The following PCID2 variants were observed in gnomAD, a reference collection of about 807,000 sequenced individuals.
PCID2 encodes the protein PCI domain-containing protein 2.
Under a neutral mutation model 61.3 loss-of-function variants are expected in PCID2, and 41 were observed. That is an observed-to-expected ratio of 0.67 (90% CI 0.52 to 0.87). The LOEUF is 0.87. Ranked by LOEUF, PCID2 falls within the 40% of genes least tolerant of loss-of-function variation. PCID2 has a pLI of 0.00. For synonymous variants in PCID2, 187 were observed against 177.8 expected (o/e 1.05, Z -0.41); for missense variants, 392 against 493.4 (o/e 0.79, Z 1.95).
Position 113,179,657 on chromosome 13 carries a change from C to G in PCID2, c.986+260G>C, listed in dbSNP as rs1255899211. On this transcript the variant is annotated intron_variant, in intron 12 of 13. Coordinates refer to ENST00000337344, the MANE Select transcript of PCID2 (RefSeq NM_001127202.4). The surrounding 1 kb of genome is among the most constrained non-coding windows in gnomAD (Gnocchi z 4.3). ...AAATGTGGTACCGCGGCTCTCAGGG[C>G]TGATGTTCTCAAGTTGTCTTCTCAC... 6.6e-6 allele frequency among the ~76,000 whole-genome samples: 1 copy of G among 152,196 alleles called. No homozygotes were observed. Among genetic ancestry groups the G allele is most frequent in the East Asian group, 1.9e-4 (1 of 5,192 alleles).
intron 7 of PCID2, chr13:113,188,347 CTA>C (rs2038308580): frequency 6.6e-6 from 1 of 152,254 alleles, no homozygotes; most frequent in African/African-American, 2.4e-5. Flanking sequence ...CCCCACAGCA[CTA>C]TACATCTTGT....
chr13:113,178,392 C>T (rs926174175), intron 13 of PCID2, 105 bp from the exon 14 acceptor site: 28 of 763,292 alleles, frequency 3.7e-5, no homozygotes, highest in Middle Eastern at 2.4e-4. Context: ...TCCCCAAGAG[C>T]GGCACAGTTC....
intron 13 of PCID2, among the ~76,000 whole-genome samples, 166 bp downstream of exon 13, chr13:113,178,800 T>C (rs1405055735): frequency 2.0e-5 from 3 of 152,162 alleles, no homozygotes; most frequent in Non-Finnish European, 4.4e-5. Context: ...CGTCCCCTCA[T>C]GCTCCTAAGG....
chr13:113,198,855 T>C (rs1474983058), intron 2 of PCID2, among the ~76,000 whole-genome samples: 1 of 152,242 alleles, frequency 6.6e-6, no homozygotes, highest in African/African-American at 2.4e-5. Context: ...AGTATATTAG[T>C]ATTCTTGACC....
chr13:113,198,180 C>T lies in PCID2; in HGVS notation c.200+11G>A. On this transcript the variant is annotated intron_variant, in intron 3 of 13. Transcript: ENST00000337344. ...AGATGTGTGTGTTTTTCTTCCTCCCCAACAGATTACCTTAAATGAGCTGCA... is the reference window on the plus strand; with the variant it reads ...AGATGTGTGTGTTTTTCTTCCTCCCTAACAGATTACCTTAAATGAGCTGCA... The T allele has an allele frequency of 6.4e-7, 1 of 1,574,218 alleles. No individual in the cohort carries two copies. Among genetic ancestry groups the T allele is most frequent in the Non-Finnish European group, 8.6e-7 (1 of 1,156,126 alleles).
chr13:113,165,159 T>G, the PCID2 span: 41 of 1,569,992 alleles, frequency 2.6e-5, no homozygotes, highest in East Asian at 3.8e-4. Flanking sequence ...TTTATTGTTA[T>G]GACTTTCACC....
intron 7 of PCID2, chr13:113,188,743 T>C (rs1002214942): frequency 6.6e-6 from 1 of 151,834 alleles, no homozygotes; most frequent in African/African-American, 2.4e-5. Context: ...CCCTCAGGAG[T>C]AGAGAAGTTG....
At chr13:113,185,016 G>A (rs1220524957) in intron 8 of PCID2, among the ~76,000 whole-genome samples, 2 of 152,288 alleles carry the variant, frequency 1.3e-5, no homozygotes, top group African/African-American at 4.8e-5. Context: ...GGAAGGCACT[G>A]GACAGAAGGC....
chr13:113,174,236 T>A (rs191951647), downstream of PCID2, among the ~76,000 whole-genome samples: 6,018 of 139,876 alleles, frequency 0.043, 178 homozygotes, highest in Non-Finnish European at 0.049. Flanking sequence ...AGACTCCATC[T>A]CAAAAAAAAA....
intron 1 of PCID2, among the ~76,000 whole-genome samples, chr13:113,202,597 C>G (rs940253874): frequency 2.6e-5 from 4 of 151,984 alleles, no homozygotes; most frequent in African/African-American, 9.7e-5. Flanking sequence ...TAGGAAGATA[C>G]AGTTAAGTGA....
chr13:113,186,883 G>A (rs1451267524), intron 7 of PCID2: 2 of 152,284 alleles, frequency 1.3e-5, no homozygotes, highest in Middle Eastern at 3.4e-3. Context: ...AAAGTGCCCA[G>A]TACAGAAAAC....
At chr13:113,192,189 G>A (rs560878239) in intron 6 of PCID2, among the ~76,000 whole-genome samples, 10 of 152,320 alleles carry the variant, frequency 6.6e-5, no homozygotes, top group Admixed American at 5.9e-4. Flanking sequence ...AGGAACTCAA[G>A]GCTGCAGTGA....
chr13:113,205,970 G>C (rs968038750), intron 1 of PCID2, among the ~76,000 whole-genome samples: 1 of 152,172 alleles, frequency 6.6e-6, no homozygotes, highest in Non-Finnish European at 1.5e-5. Context: ...TACTTCGGTG[G>C]GGCAATGGTG....
intron 7 of PCID2, among the ~76,000 whole-genome samples, chr13:113,190,287 G>A (rs2038503253): frequency 6.8e-6 from 1 of 147,296 alleles, no homozygotes; most frequent in Non-Finnish European, 1.5e-5. Flanking sequence ...GAATGCCAAT[G>A]ATAAAGAGAA....
intron 5 of PCID2, among the ~76,000 whole-genome samples, chr13:113,195,668 A>G (rs1293497095): frequency 1.3e-5 from 2 of 148,766 alleles, no homozygotes; most frequent in Non-Finnish European, 3.0e-5. Flanking sequence ...CTCCTTCTCA[A>G]AAAAAAAAAA....
intron 6 of PCID2, among the ~76,000 whole-genome samples, chr13:113,192,711 G>A (rs1208116104): frequency 1.3e-5 from 2 of 152,144 alleles, no homozygotes; most frequent in Non-Finnish European, 1.5e-5. Flanking sequence ...GGGGTTTGGG[G>A]GTTGGGTTTT....
chr13:113,190,623 A>C (rs780634899), intron 7 of PCID2: 1 of 338,656 alleles, frequency 3.0e-6, no homozygotes, highest in Non-Finnish European at 5.3e-6. Flanking sequence ...CTAGACGGAA[A>C]CTGGTTCCTG....
rs756334032 is a variant in PCID2, at chr13:113,178,105, A to G, written c.*93T>C. ...AAGCGCCTCCAAGAGTTCCGGCTTC[A>G]GGGAGCCTTGTTGCAGTACCGGACC... On this transcript the variant is annotated 3_prime_UTR_variant, in exon 14 of 14. Transcript: ENST00000337344. 1.4e-4 allele frequency: 114 copies of G among 818,584 alleles called. 1 individual carries two copies. Among genetic ancestry groups the G allele is most frequent in the Non-Finnish European group, 7.3e-5 (37 of 509,884 alleles). 50.7% of individuals were successfully genotyped at this position (818,584 alleles called of 1,614,324 possible).
At chr13:113,206,695 T>C (rs79099136) in intron 1 of PCID2, among the ~76,000 whole-genome samples, 11 of 152,250 alleles carry the variant, frequency 7.2e-5, no homozygotes, top group African/African-American at 2.7e-4. Context: ...AATCTGTTAA[T>C]ACATAAAACT....
Sources: allele counts gnomAD v4.1 joint callset (sites outside exome capture counted in the v4.1 genomes callset), GRCh38; gene constraint gnomAD v4.1.1; non-coding constraint Gnocchi (gnomAD v3.1); transcripts MANE v1.5; gene names NCBI Gene and HGNC (gene_info 2026-07-23, HGNC 2026-07-21).